The following KLHL13 variants were observed in gnomAD, a reference collection of about 807,000 sequenced individuals.
KLHL13 encodes kelch-like protein 13.
A neutral mutation model predicts 37.1 loss-of-function variants in KLHL13; 10 were observed. That is an observed-to-expected ratio of 0.27 (90% CI 0.17 to 0.46). The LOEUF (loss-of-function observed/expected upper bound fraction) is 0.46. Ranked by LOEUF, KLHL13 falls within the 20% of genes least tolerant of loss-of-function variation. The probability of loss-of-function intolerance (pLI) is 1.00; values close to 1 mark genes in which losing one functional copy is unlikely to be tolerated. For synonymous variants in KLHL13, 163 were observed against 181.2 expected (o/e 0.90, Z 0.81); for missense variants, 360 against 509.3 (o/e 0.71, Z 2.82).
intron 1 of KLHL13, among the ~76,000 whole-genome samples, chrX:118,053,765 T>C (rs1390982457): frequency 8.8e-5 from 6 of 67,919 alleles, no homozygotes; most frequent in African/African-American, 4.3e-4. Context: ...CAATCTCAAT[T>C]TGTGTGTGTG....
chrX:118,087,290 G>A, intron 1 of KLHL13, among the ~76,000 whole-genome samples: 1 of 109,995 alleles, frequency 9.1e-6, no homozygotes, highest in African/African-American at 3.3e-5. Context: ...ATTTGAGATG[G>A]CCCATTCCGT....
At chrX:117,956,702 A>G (rs6603355) in intron 1 of KLHL13, among the ~76,000 whole-genome samples, 18,386 of 111,380 alleles carry the variant, frequency 0.17, 2,089 homozygotes, top group African/African-American at 0.41. Flanking sequence ...CTCAGTGTAG[A>G]TGAGAAGCAG....
chrX:117,923,153 G>T (rs1179274242), intron 2 of KLHL13, among the ~76,000 whole-genome samples: 1 of 111,915 alleles, frequency 8.9e-6, no homozygotes, highest in African/African-American at 3.2e-5. Flanking sequence ...GCAGTTATAA[G>T]CAATGCCGCA....
At position 118,019,266 on chromosome X, in the gene KLHL13, G is replaced by GT. The variant is rs763072815; in HGVS notation, c.-55-73692dup. Among the ~76,000 whole-genome samples, 3 of 111,522 alleles carry GT rather than the reference G, an allele frequency of 2.7e-5. No homozygotes were observed. In the South Asian group the frequency reaches 1.1e-3, roughly 42 times the overall value. ...ATTTACAAATACAGTATTTTCATGT[G>GT]TTTTTTGGCTGCATAAATGTCTTCT... On this transcript the variant is annotated intron_variant, in intron 1 of 6. Transcript: ENST00000371882.
chrX:117,993,689 G>C (rs1315654082), intron 1 of KLHL13, among the ~76,000 whole-genome samples: 1 of 109,418 alleles, frequency 9.1e-6, no homozygotes, highest in Non-Finnish European at 1.9e-5. Context: ...GAAAAAGGTA[G>C]AGGCAAAAAG....
intron 2 of KLHL13, among the ~76,000 whole-genome samples, chrX:117,925,449 G>A (rs5956815): frequency 0.23 from 25,983 of 110,978 alleles, 4,887 homozygotes; most frequent in African/African-American, 0.65. Flanking sequence ...CCTTACTCCA[G>A]TGTTATGTAA....
intron 1 of KLHL13, chrX:117,983,447 A>T (rs2147931246): frequency 1.0e-6 from 1 of 960,814 alleles, no homozygotes; most frequent in Admixed American, 3.6e-5. Flanking sequence ...AAAAAAAAAA[A>T]AGGTGAGGAA....
At chrX:118,029,961 C>G (rs2054317989) in intron 1 of KLHL13, among the ~76,000 whole-genome samples, 1 of 109,671 alleles carries the variant, frequency 9.1e-6, no homozygotes, top group Admixed American at 9.8e-5. Flanking sequence ...GAGTGAGACC[C>G]TGTCTCAAAA....
At chrX:117,919,424 T>C in intron 4 of KLHL13, 97 bp downstream of exon 5, 2 of 667,919 alleles carry the variant, frequency 3.0e-6, no homozygotes, top group Non-Finnish European at 4.8e-6. Flanking sequence ...ATCTGTCTAA[T>C]GGCAAGTTTC....
At chrX:118,068,190 T>C (rs1042494887) in intron 1 of KLHL13, among the ~76,000 whole-genome samples, 3 of 111,621 alleles carry the variant, frequency 2.7e-5, no homozygotes, top group Non-Finnish European at 5.6e-5. Context: ...CATTCTTATT[T>C]ACACATCTCT....
At chrX:117,958,763 T>C (rs933235513) in intron 1 of KLHL13, among the ~76,000 whole-genome samples, 1 of 110,882 alleles carries the variant, frequency 9.0e-6, no homozygotes, top group African/African-American at 3.3e-5. Flanking sequence ...GATATAAAAT[T>C]ATAATAAATG....
intron 1 of KLHL13, among the ~76,000 whole-genome samples, chrX:118,089,669 A>AGAAAGAAAGAAAG (rs1556002570): frequency 7.9e-5 from 7 of 88,075 alleles, no homozygotes; most frequent in African/African-American, 2.7e-4. Flanking sequence ...AAAGAAAGAA[A>AGAAAGAAAGAAAG]AAAGAAAGTT....
At chrX:118,053,796 T>A (rs191425845) in intron 1 of KLHL13, among the ~76,000 whole-genome samples, 3,413 of 53,589 alleles carry the variant, frequency 0.064, 162 homozygotes, top group Middle Eastern at 0.14. Context: ...TGTGTGTGTG[T>A]GTGAGAGAGA....
chrX:117,958,974 C>A (rs762797618), intron 1 of KLHL13, among the ~76,000 whole-genome samples: 54 of 111,735 alleles, frequency 4.8e-4, no homozygotes, highest in African/African-American at 1.6e-3. Flanking sequence ...AGGCTATCTG[C>A]AGGGCTGGAT....
chrX:117,921,041 A>G (rs1931669894), intron 2 of KLHL13, among the ~76,000 whole-genome samples: 1 of 111,858 alleles, frequency 8.9e-6, no homozygotes, highest in African/African-American at 3.2e-5. Flanking sequence ...GGTTTAGTGG[A>G]GAATTAACAG....
At chrX:117,902,553 T>C (rs1038024825) in intron 5 of KLHL13, among the ~76,000 whole-genome samples, 3 of 111,690 alleles carry the variant, frequency 2.7e-5, no homozygotes, top group Non-Finnish European at 3.8e-5. Flanking sequence ...AACCTGAAGA[T>C]GGTTGGCGGC....
At chrX:118,028,592 T>A in intron 1 of KLHL13, 95 bp from the exon 2 acceptor site, 1 of 425,539 alleles carries the variant, frequency 2.3e-6, no homozygotes, top group Non-Finnish European at 4.0e-6. Flanking sequence ...TTTTCATGGT[T>A]GAATTAAAGG....
At chrX:117,901,115 A>C (rs1399175630) in intron 6 of KLHL13, among the ~76,000 whole-genome samples, 2 of 111,693 alleles carry the variant, frequency 1.8e-5, no homozygotes, top group Non-Finnish European at 3.8e-5. Flanking sequence ...TATAATGCTA[A>C]GGAAGAAGGA....
intron 1 of KLHL13, chrX:117,946,236 T>C (rs1933313124): frequency 8.9e-6 from 1 of 112,341 alleles, no homozygotes; most frequent in Admixed American, 9.5e-5. Flanking sequence ...GCAGTATCTC[T>C]CACTTACCAG....
Sources: allele counts gnomAD v4.1 joint callset (sites outside exome capture counted in the v4.1 genomes callset), GRCh38; gene constraint gnomAD v4.1.1; transcripts MANE v1.5; gene names NCBI Gene and HGNC (gene_info 2026-07-23, HGNC 2026-07-21).